PALM2AKAP2: variants seen among roughly 807,000 people sequenced by gnomAD.
PALM2AKAP2 encodes the protein PALM2 and AKAP2 fusion.
Under a neutral mutation model 71.5 loss-of-function variants are expected in PALM2AKAP2, and 37 were observed. The observed-to-expected ratio is 0.52, with a 90% CI of 0.40 to 0.68. The LOEUF is 0.68. Among genes scored for constraint, PALM2AKAP2 ranks in the 30% least tolerant of loss-of-function variants. The pLI is 0.00. For synonymous variants in PALM2AKAP2, 468 were observed against 478.8 expected (o/e 0.98, Z 0.29); for missense variants, 1,224 against 1,191.8 (o/e 1.03, Z -0.40).
intron 3 of PALM2AKAP2, among the ~76,000 whole-genome samples, chr9:109,883,133 A>G (rs1829892021): frequency 6.6e-6 from 1 of 152,144 alleles, no homozygotes; most frequent in African/African-American, 2.4e-5. Flanking sequence ...GGGTAAATTG[A>G]CCATTGGAAG....
chr9:109,664,636 T>C (rs1463759155), intron 1 of PALM2AKAP2, among the ~76,000 whole-genome samples: 2 of 152,230 alleles, frequency 1.3e-5, no homozygotes, highest in African/African-American at 2.4e-5. Flanking sequence ...TTCCTTCATT[T>C]CAACCTTGGT....
chr9:110,031,433 G>T (rs1456596558), intron 7 of PALM2AKAP2, among the ~76,000 whole-genome samples: 1 of 152,134 alleles, frequency 6.6e-6, no homozygotes, highest in Non-Finnish European at 1.5e-5. Flanking sequence ...CCCCACCAGA[G>T]TGTGAGTTTT....
At chr9:109,992,948 T>TAGAG (rs1208428810) in intron 6 of PALM2AKAP2, among the ~76,000 whole-genome samples, 9 of 141,882 alleles carry the variant, frequency 6.3e-5, no homozygotes, top group African/African-American at 1.8e-4. Flanking sequence ...TGTATATATA[T>TAGAG]ATATATAGAG....
At chr9:109,961,290 T>C (rs927345089) in intron 6 of PALM2AKAP2, among the ~76,000 whole-genome samples, 1 of 152,248 alleles carries the variant, frequency 6.6e-6, no homozygotes, top group African/African-American at 2.4e-5. Flanking sequence ...ACTATGGACT[T>C]GACTTCTAGG....
At chr9:109,837,678 G>T (rs1828519680) in intron 1 of PALM2AKAP2, among the ~76,000 whole-genome samples, 1 of 151,968 alleles carries the variant, frequency 6.6e-6, no homozygotes, top group South Asian at 2.1e-4. Flanking sequence ...AAAGGGATGG[G>T]GGAAGATCTA....
At chr9:110,160,851 T>C (rs1836578165) in intron 3 of PALM2AKAP2, among the ~76,000 whole-genome samples, 1 of 152,212 alleles carries the variant, frequency 6.6e-6, no homozygotes. Flanking sequence ...TCTCTCTTTC[T>C]CATCCCATGA....
At chr9:110,084,708 C>T (rs765742578) in intron 1 of PALM2AKAP2, among the ~76,000 whole-genome samples, 4 of 152,104 alleles carry the variant, frequency 2.6e-5, no homozygotes, top group Non-Finnish European at 5.9e-5. Flanking sequence ...GTTCACTACA[C>T]GTGCTACCAT....
At chr9:109,906,942 G>A (rs918796921) in intron 3 of PALM2AKAP2, among the ~76,000 whole-genome samples, 1 of 152,158 alleles carries the variant, frequency 6.6e-6, no homozygotes, top group Non-Finnish European at 1.5e-5. Context: ...CCTCATGAGT[G>A]CACTCAGATA....
At chr9:109,667,943 T>G (rs2118479799) in intron 1 of PALM2AKAP2, among the ~76,000 whole-genome samples, 1 of 16,838 alleles carries the variant, frequency 5.9e-5, no homozygotes, top group South Asian at 1.1e-3. Context: ...TTTTTTTTTT[T>G]TTTTTTTTTT....
intron 1 of PALM2AKAP2, among the ~76,000 whole-genome samples, chr9:109,734,009 G>A (rs1241065646): frequency 6.6e-6 from 1 of 152,170 alleles, no homozygotes; most frequent in African/African-American, 2.4e-5. Context: ...CCATTGTTGA[G>A]TAATTTGATG....
At chr9:109,965,181 G>A (rs1393208451) in intron 6 of PALM2AKAP2, among the ~76,000 whole-genome samples, 4 of 152,190 alleles carry the variant, frequency 2.6e-5, no homozygotes, top group Non-Finnish European at 5.9e-5. Context: ...TTCCTATGAA[G>A]TGGGACTAAT....
chr9:110,077,045 AT>A (rs1344598982), intron 1 of PALM2AKAP2, among the ~76,000 whole-genome samples: 2 of 152,134 alleles, frequency 1.3e-5, no homozygotes, highest in African/African-American at 4.8e-5. Flanking sequence ...AAGTGGATAG[AT>A]TTGGTGGATA....
chr9:109,845,852 T>C (rs1470337383), intron 1 of PALM2AKAP2, among the ~76,000 whole-genome samples: 2 of 152,166 alleles, frequency 1.3e-5, no homozygotes, highest in Non-Finnish European at 2.9e-5. Flanking sequence ...CACCCAGCCA[T>C]CATTCATTTA....
rs115151094 is a variant in PALM2AKAP2, at chr9:109,767,671, G to T, written c.6-12817G>T. On this transcript the variant is annotated intron_variant, in intron 1 of 6. Coordinates refer to the PALM2AKAP2 transcript ENST00000374531. ...CCCTCTGCCCTGACATGACTCCATC[G>T]CTGGCTTCATTCGGGGCTGTCTGAT... 2.5e-3 allele frequency among the ~76,000 whole-genome samples: 388 copies of T among 152,186 alleles called. 2 individuals carry two copies. Among genetic ancestry groups the T allele is most frequent in the African/African-American group, 9.0e-3 (372 of 41,532 alleles).
At chr9:109,996,658 T>C (rs749966524) in intron 6 of PALM2AKAP2, among the ~76,000 whole-genome samples, 14 of 152,374 alleles carry the variant, frequency 9.2e-5, no homozygotes, top group Non-Finnish European at 2.1e-4. Context: ...TCTGACCCAC[T>C]CTCAGATGCT....
At chr9:110,020,336 C>T (rs1048870833) in intron 7 of PALM2AKAP2, among the ~76,000 whole-genome samples, 23 of 152,082 alleles carry the variant, frequency 1.5e-4, no homozygotes, top group African/African-American at 4.8e-4. Flanking sequence ...GTAAGTTTCC[C>T]GAGGCCTCCC....
At chr9:110,128,607 A>G (rs1452662148) in intron 1 of PALM2AKAP2, among the ~76,000 whole-genome samples, 1 of 152,346 alleles carries the variant, frequency 6.6e-6, no homozygotes, top group Non-Finnish European at 1.5e-5. Context: ...AAGCAGAGAA[A>G]CCTGGTTGTA....
chr9:109,927,626 G>A (rs182839278), intron 5 of PALM2AKAP2, among the ~76,000 whole-genome samples: 40 of 152,226 alleles, frequency 2.6e-4, no homozygotes, highest in African/African-American at 8.7e-4. Flanking sequence ...AGGAAATAGA[G>A]GTACCGTACT....
chr9:110,156,712 C>T (rs1021579968), intron 3 of PALM2AKAP2, among the ~76,000 whole-genome samples: 1 of 152,134 alleles, frequency 6.6e-6, no homozygotes, highest in African/African-American at 2.4e-5. Context: ...GGAGCTGGTC[C>T]TTTGCTGCCA....
Sources: allele counts gnomAD v4.1 joint callset (sites outside exome capture counted in the v4.1 genomes callset), GRCh38; gene constraint gnomAD v4.1.1; transcripts MANE v1.5; gene names NCBI Gene and HGNC (gene_info 2026-07-23, HGNC 2026-07-21).